Variants in SNX6 observed in about 807,000 individuals in gnomAD.
SNX6 encodes the protein sorting nexin 6.
SNX6 carries 34 observed loss-of-function variants against 63.0 expected under a neutral mutation model. The ratio of observed to expected loss-of-function variants is 0.54; its 90% CI spans 0.41 to 0.72. SNX6 has a LOEUF of 0.72. SNX6 is among the 30% of genes least tolerant of loss of function. The pLI is 0.00. For missense variants in SNX6, 398 were observed against 471.4 expected, an observed-to-expected ratio of 0.84 and a Z score of 1.44; for synonymous variants, 170 against 164.2, an observed-to-expected ratio of 1.04 and a Z score of -0.27.
intron 10 of SNX6, among the ~76,000 whole-genome samples, chr14:34,576,193 G>C (rs1200630009): frequency 1.3e-5 from 2 of 151,738 alleles, no homozygotes; most frequent in African/African-American, 4.8e-5. Context: ...TCAAAGTGTT[G>C]GGATTACAGG....
In SNX6 at chr14:34,593,680, TC is replaced by T. The variant is rs1882490167; in HGVS notation, c.613-531del. Among the ~76,000 whole-genome samples the T allele has an allele frequency of 2.0e-5, 3 of 151,520 alleles. No individual in the cohort carries two copies. The South Asian group carries it at 6.2e-4, about 32-fold the overall frequency. ...TCAGCCTCCTGGGTTCAAGTGATTC[TC>T]CTGCCTCAGCCTCCTGAGTAGCTGA... On this transcript the variant is annotated intron_variant, in intron 7 of 13. Transcript: ENST00000362031.
At chr14:34,609,860 T>G (rs1001353748) in intron 2 of SNX6, 118 bp from the exon 3 acceptor site, 1 of 663,058 alleles carries the variant, frequency 1.5e-6, no homozygotes, top group Non-Finnish European at 2.6e-6. Flanking sequence ...TCTAAAGAGG[T>G]ACTCATGTCC....
chr14:34,590,281 A>G (rs1341927456), intron 8 of SNX6, among the ~76,000 whole-genome samples: 3 of 151,866 alleles, frequency 2.0e-5, no homozygotes, highest in Non-Finnish European at 4.4e-5. Flanking sequence ...ACAAAAAATT[A>G]GCCGGGCGTG....
At chr14:34,613,654 G>C (rs985524719) in intron 2 of SNX6, among the ~76,000 whole-genome samples, 2 of 151,716 alleles carry the variant, frequency 1.3e-5, no homozygotes, top group African/African-American at 4.8e-5. Context: ...TTAGCCGGGC[G>C]TGGTGGCGGG....
intron 2 of SNX6, among the ~76,000 whole-genome samples, chr14:34,615,365 G>T (rs144017111): frequency 2.0e-5 from 3 of 152,104 alleles, no homozygotes; most frequent in Non-Finnish European, 2.9e-5. Context: ...GGGACCACAG[G>T]TGTACACCAC....
chr14:34,573,678 G>T (rs140214169), intron 11 of SNX6, among the ~76,000 whole-genome samples: 1 of 149,854 alleles, frequency 6.7e-6, no homozygotes, highest in African/African-American at 2.5e-5. Flanking sequence ...TCGCTTTGTC[G>T]CCCAGGCTGG....
At chr14:34,607,940 T>A (rs1200323909) in intron 4 of SNX6, 90 bp downstream of exon 4, 6 of 631,006 alleles carry the variant, frequency 9.5e-6, no homozygotes, top group African/African-American at 7.6e-5. Context: ...AAAAAACAGT[T>A]CACAAAAAAT....
intron 2 of SNX6, among the ~76,000 whole-genome samples, chr14:34,619,150 G>A (rs755384194): frequency 1.3e-5 from 2 of 152,180 alleles, no homozygotes; most frequent in Non-Finnish European, 2.9e-5. Flanking sequence ...TTGGCCAGGC[G>A]CAGTGGCTTA....
At chr14:34,628,934 G>C (rs1304993196) in intron 2 of SNX6, among the ~76,000 whole-genome samples, 1 of 152,082 alleles carries the variant, frequency 6.6e-6, no homozygotes, top group Non-Finnish European at 1.5e-5. Context: ...AAGGAAAAAG[G>C]GGGTGGAGAG....
At chr14:34,586,877 T>C (rs1397408248) in intron 8 of SNX6, among the ~76,000 whole-genome samples, 1 of 149,798 alleles carries the variant, frequency 6.7e-6, no homozygotes, top group African/African-American at 2.5e-5. Flanking sequence ...GGCATGGTAG[T>C]GGGCACCTGT....
chr14:34,587,430 A>G (rs1201235736), intron 8 of SNX6, among the ~76,000 whole-genome samples: 1 of 144,468 alleles, frequency 6.9e-6, no homozygotes, highest in African/African-American at 2.5e-5. Flanking sequence ...CTACTCGGGA[A>G]GCTGTGGCAG....
chr14:34,628,114 A>G (rs1436048551), intron 2 of SNX6, among the ~76,000 whole-genome samples: 1 of 152,114 alleles, frequency 6.6e-6, no homozygotes, highest in East Asian at 1.9e-4. Context: ...AGGATCACTT[A>G]GGCCCAGGAG....
intron 2 of SNX6, among the ~76,000 whole-genome samples, chr14:34,611,175 T>C (rs1185577394): frequency 6.6e-6 from 1 of 152,066 alleles, no homozygotes; most frequent in Non-Finnish European, 1.5e-5. Flanking sequence ...TAGTTTTTGG[T>C]AGAGAAGGGG....
intron 2 of SNX6, among the ~76,000 whole-genome samples, chr14:34,623,006 A>G (rs982333608): frequency 5.3e-5 from 8 of 152,250 alleles, no homozygotes; most frequent in South Asian, 2.1e-4. Flanking sequence ...CCTAAAGTTG[A>G]ACACTTTTAC....
chr14:34,618,178 G>A (rs999163470), intron 2 of SNX6, among the ~76,000 whole-genome samples: 4 of 152,086 alleles, frequency 2.6e-5, no homozygotes, highest in African/African-American at 7.2e-5. Flanking sequence ...TCCCTACAGG[G>A]CCACTACTAT....
At chr14:34,610,371 A>C (rs933945680) in intron 2 of SNX6, among the ~76,000 whole-genome samples, 20 of 150,474 alleles carry the variant, frequency 1.3e-4, no homozygotes, top group African/African-American at 2.5e-4. Context: ...AAAAAAAAAA[A>C]AACTTCTTCC....
In SNX6 at chr14:34,562,799, G is replaced by A. The variant is rs1027845337; in HGVS notation, c.*323C>T. On this transcript the variant is annotated 3_prime_UTR_variant, in exon 14 of 14. Transcript: ENST00000362031. ...AGAAATTATTTAAAGGTAAATAAGA[G>A]TGGCAGCCATAAGGAATACTATTTA... The A allele has an allele frequency of 3.8e-5, 10 of 263,792 alleles. No individual in the cohort carries two copies. Among genetic ancestry groups the A allele is most frequent in the Non-Finnish European group, 5.7e-5 (8 of 141,356 alleles). 16.3% of individuals were successfully genotyped at this position (263,792 alleles called of 1,614,324 possible).
chr14:34,586,277 A>C lies in SNX6; in HGVS notation c.747T>G (p.Gly249=), dbSNP rs1334647312. Reference sequence around the variant, plus strand: ...GAGTTCCTAAAGCATATAATGAAGAACCAATTCTATTGTAATCATCTGCAG... The same window carrying C: ...GAGTTCCTAAAGCATATAATGAAGACCCAATTCTATTGTAATCATCTGCAG... ...KSAADDYNRI[G]SSLYALGTQD... The change falls in exon 9 of 14, where the codon GGT becomes GGG. Residue 249 remains glycine (G), a synonymous_variant. Transcript: ENST00000362031. 4 of 1,608,258 alleles carry C rather than the reference A, an allele frequency of 2.5e-6. No homozygotes were observed. The highest frequency in any genetic ancestry group is 3.4e-6 in the Non-Finnish European group (4 of 1,174,946).
chr14:34,570,531 C>T (rs1444006152), intron 11 of SNX6, among the ~76,000 whole-genome samples: 1 of 151,690 alleles, frequency 6.6e-6, no homozygotes, highest in Admixed American at 6.6e-5. Context: ...AAGCAATTCT[C>T]CACCTCAGCC....
Sources: allele counts gnomAD v4.1 joint callset (sites outside exome capture counted in the v4.1 genomes callset), GRCh38; gene constraint gnomAD v4.1.1; transcripts MANE v1.5; gene names NCBI Gene and HGNC (gene_info 2026-07-23, HGNC 2026-07-21).